The following PCDH7 variants were observed in gnomAD, a reference collection of about 807,000 sequenced individuals.
PCDH7 encodes protocadherin 7, also known as protocadherin-7.
PCDH7 carries 17 observed loss-of-function variants against 58.9 expected under a neutral mutation model. That is an observed-to-expected ratio of 0.29 (90% CI 0.20 to 0.43). PCDH7 has a LOEUF of 0.43. Ranked by LOEUF, PCDH7 falls within the 20% of genes least tolerant of loss-of-function variation. The pLI is 1.00. For synonymous variants in PCDH7, 664 were observed against 616.4 expected (o/e 1.08, Z -1.14); for missense variants, 1,274 against 1,441.0 (o/e 0.88, Z 1.88).
At chr4:30,892,270 T>C (rs535949290) in intron 1 of PCDH7, among the ~76,000 whole-genome samples, 26 of 152,184 alleles carry the variant, frequency 1.7e-4, no homozygotes, top group African/African-American at 6.3e-4. Context: ...AGAATGCTGG[T>C]ATGAAGCACC....
chr4:30,968,824 A>G (rs1395588408), intron 3 of PCDH7, among the ~76,000 whole-genome samples: 1 of 152,202 alleles, frequency 6.6e-6, no homozygotes, highest in Non-Finnish European at 1.5e-5. Flanking sequence ...ATAGTGGCAT[A>G]GGATAACTCC....
intron 3 of PCDH7, among the ~76,000 whole-genome samples, chr4:31,099,491 G>A (rs1255516896): frequency 6.6e-6 from 1 of 152,198 alleles, no homozygotes; most frequent in Non-Finnish European, 1.5e-5. Flanking sequence ...GGAAAGTGAT[G>A]TGGAATAACA....
At chr4:30,941,869 G>A (rs1746078080) in intron 2 of PCDH7, among the ~76,000 whole-genome samples, 1 of 151,910 alleles carries the variant, frequency 6.6e-6, no homozygotes, top group African/African-American at 2.4e-5. Context: ...TTTGCTCTCA[G>A]TATTTACAAG....
At chr4:30,769,048 A>G (rs1050202335) in intron 1 of PCDH7, among the ~76,000 whole-genome samples, 16 of 152,242 alleles carry the variant, frequency 1.1e-4, no homozygotes, top group Admixed American at 7.2e-4. Flanking sequence ...AGTGAGGAAC[A>G]TGGATCAGGG....
intron 1 of PCDH7, among the ~76,000 whole-genome samples, chr4:30,805,886 G>A (rs1726134276): frequency 6.6e-6 from 1 of 152,216 alleles, no homozygotes; most frequent in Admixed American, 6.5e-5. Context: ...CTTCTCTAAA[G>A]TGTAAATGCA....
In PCDH7 at chr4:31,058,491, T is replaced by C. The variant is rs568152609; in HGVS notation, c.*8-83982T>C. Reference sequence around the variant, plus strand: ...AAGAGTATGATCCTTAAGATCATTTTAGTTAGGCAGAGTGCATTTACCTGA... The same window carrying C: ...AAGAGTATGATCCTTAAGATCATTTCAGTTAGGCAGAGTGCATTTACCTGA... On this transcript the variant is annotated intron_variant, in intron 3 of 3. Transcript: ENST00000509759. Among the ~76,000 whole-genome samples, 298 of 152,202 alleles carry C rather than the reference T, an allele frequency of 2.0e-3. 1 individual carries two copies. Among genetic ancestry groups the C allele is most frequent in the African/African-American group, 6.5e-3 (269 of 41,564 alleles).
At chr4:30,752,807 G>GAAAAAGAAA in intron 1 of PCDH7, among the ~76,000 whole-genome samples, 1 of 127,356 alleles carries the variant, frequency 7.9e-6, no homozygotes, top group South Asian at 2.5e-4. Flanking sequence ...AAAAAAGAAA[G>GAAAAAGAAA]AAAAAGAAAA....
At chr4:30,892,481 A>G (rs1441351716) in intron 1 of PCDH7, among the ~76,000 whole-genome samples, 4 of 152,064 alleles carry the variant, frequency 2.6e-5, no homozygotes, top group Admixed American at 6.6e-5. Flanking sequence ...ATTAAGACTT[A>G]TTGGAATATT....
chr4:30,860,538 A>G (rs987089442), intron 1 of PCDH7, among the ~76,000 whole-genome samples: 5 of 152,002 alleles, frequency 3.3e-5, no homozygotes, highest in African/African-American at 9.7e-5. Flanking sequence ...CATGTCTTAC[A>G]TATTTCGGCA....
intron 3 of PCDH7, among the ~76,000 whole-genome samples, chr4:31,088,036 T>C (rs149751736): frequency 2.6e-5 from 4 of 152,194 alleles, no homozygotes; most frequent in African/African-American, 9.6e-5. Context: ...ATTTTAGGTG[T>C]AATGCCAAAA....
intron 1 of PCDH7, among the ~76,000 whole-genome samples, chr4:30,894,298 G>A (rs1184539899): frequency 2.7e-5 from 4 of 150,300 alleles, no homozygotes; most frequent in Non-Finnish European, 4.4e-5. Context: ...CTATTAAGTC[G>A]GGGAGTTGTT....
Position 30,971,326 on chromosome 4 carries a change from C to T in PCDH7, c.*7+21111C>T, listed in dbSNP as rs541843620. Among the ~76,000 whole-genome samples, 4 of 152,276 alleles carry T rather than the reference C, an allele frequency of 2.6e-5. No individual in the cohort carries two copies. The South Asian group carries it at 8.3e-4, about 32-fold the overall frequency. On this transcript the variant is annotated intron_variant, in intron 3 of 3. Transcript: ENST00000509759. ...TCCATGTAGACTGAAACCAAGGCTC[C>T]AATTACTCTGCAAATTCTGGCAGCA...
chr4:30,721,821 G>A lies in PCDH7; in HGVS notation c.399G>A (p.Val133=). The A allele has an allele frequency of 6.2e-7, 1 of 1,611,830 alleles. No individual in the cohort carries two copies. ...ACCTGTTTGAGGGTCAGGTCATCGTGCTTGACATCAACGACAACACGCCCA... is the reference window on the plus strand; with the variant it reads ...ACCTGTTTGAGGGTCAGGTCATCGTACTTGACATCAACGACAACACGCCCA... Residue 133 remains valine, a synonymous_variant, in exon 1 of 2, where the codon GTG becomes GTA. Transcript: ENST00000361762. The surrounding 1 kb of genome is among the most constrained non-coding windows in gnomAD (Gnocchi z 6.7).
intron 3 of PCDH7, among the ~76,000 whole-genome samples, chr4:31,139,974 C>T (rs1720050134): frequency 6.6e-6 from 1 of 152,104 alleles, no homozygotes; most frequent in South Asian, 2.1e-4. Context: ...GCACAGAAGA[C>T]AAGCTGCCTT....
intron 3 of PCDH7, among the ~76,000 whole-genome samples, chr4:31,122,079 T>C (rs1717756703): frequency 6.6e-6 from 1 of 152,152 alleles, no homozygotes; most frequent in Non-Finnish European, 1.5e-5. Context: ...TAGCCATAAC[T>C]ATCTGGACAC....
At chr4:31,046,927 G>C (rs73216799) in intron 3 of PCDH7, among the ~76,000 whole-genome samples, 1 of 151,878 alleles carries the variant, frequency 6.6e-6, no homozygotes, top group African/African-American at 2.4e-5. Flanking sequence ...TGCAAAGAGG[G>C]ATTGTTTATT....
intron 3 of PCDH7, among the ~76,000 whole-genome samples, chr4:31,062,660 A>G (rs536581645): frequency 5.9e-5 from 9 of 151,516 alleles, no homozygotes; most frequent in African/African-American, 2.2e-4. Flanking sequence ...TGCATTCATG[A>G]TCCTCTCCTC....
At chr4:30,874,720 A>G (rs1578129690) in intron 1 of PCDH7, among the ~76,000 whole-genome samples, 1 of 46,378 alleles carries the variant, frequency 2.2e-5, no homozygotes, top group African/African-American at 8.5e-5. Context: ...AGTGAAATTG[A>G]AAAAAAAAAA....
At chr4:30,795,021 T>C (rs895957858) in intron 1 of PCDH7, among the ~76,000 whole-genome samples, 1 of 152,204 alleles carries the variant, frequency 6.6e-6, no homozygotes, top group African/African-American at 2.4e-5. Context: ...TTGGATTTTC[T>C]ATGAAAATAT....
Sources: gnomAD v4.1 joint callset for allele counts (sites outside exome capture counted in the v4.1 genomes callset) on GRCh38, gnomAD v4.1.1 for gene constraint, Gnocchi (gnomAD v3.1) non-coding constraint, MANE v1.5 for transcripts, NCBI Gene and HGNC (gene_info 2026-07-23, HGNC 2026-07-21) for gene names.